The following GNG7 variants were observed in gnomAD, a reference collection of about 807,000 sequenced individuals.
GNG7 encodes the protein guanine nucleotide-binding protein G(I)/G(S)/G(O) subunit gamma-7.
Under a neutral mutation model 4.0 loss-of-function variants are expected in GNG7, and 1 was observed. The observed-to-expected ratio is 0.25, with a 90% CI of 0.09 to 1.18. GNG7 has a LOEUF of 1.18. GNG7 is among the 50% of genes most tolerant of loss of function. GNG7 has a pLI of 0.50. For synonymous variants in GNG7, 34 were observed against 36.9 expected, an observed-to-expected ratio of 0.92 and a Z score of 0.29; for missense variants, 86 against 91.9, an observed-to-expected ratio of 0.94 and a Z score of 0.26.
Position 2,514,205 on chromosome 19 carries a change from G to GA in GNG7, c.*816dup, listed in dbSNP as rs35162955. 3.7e-3 allele frequency: 530 copies of GA among 142,118 alleles called. 2 individuals carry two copies. Among genetic ancestry groups the GA allele is most frequent in the Non-Finnish European group, 6.0e-3 (390 of 65,324 alleles). 8.8% of individuals were successfully genotyped at this position (142,118 alleles called of 1,614,324 possible). On this transcript the variant is annotated 3_prime_UTR_variant, in exon 5 of 5. Transcript: ENST00000382159. Reference sequence around the variant, plus strand: ...AGAATGAAACTCCATCTCAAAAAAAGAAAAAAAAAAAAAATCCAAAAACAT... The same window carrying GA: ...AGAATGAAACTCCATCTCAAAAAAAGAAAAAAAAAAAAAAATCCAAAAACAT...
rs890179191 is a variant in GNG7, at chr19:2,578,337, C to A, written c.-77-23149G>T. ...CCAGAGGACCGAGGGCAGCCTAGTG[C>A]CAACTCCTGACTCGCCCTGTTCTCT... On this transcript the variant is annotated intron_variant, in intron 2 of 4. Coordinates refer to ENST00000382159, the MANE Select transcript of GNG7 (RefSeq NM_052847.3). 2.6e-5 allele frequency among the ~76,000 whole-genome samples: 4 copies of A among 152,110 alleles called. No homozygotes were observed. The South Asian group carries it at 8.3e-4, about 31-fold the overall frequency.
intron 1 of GNG7, among the ~76,000 whole-genome samples, chr19:2,696,350 A>AAAG (rs1913261462): frequency 7.0e-6 from 1 of 143,850 alleles, no homozygotes; most frequent in Admixed American, 6.9e-5. Context: ...AAGAAAGAAA[A>AAAG]GAAAGAAAAG....
intron 1 of GNG7, among the ~76,000 whole-genome samples, chr19:2,676,116 GC>G (rs1020826920): frequency 6.6e-6 from 1 of 152,220 alleles, no homozygotes; most frequent in Non-Finnish European, 1.5e-5. Context: ...GCCAAGAACC[GC>G]CGGCCACTTG....
At chr19:2,571,588 C>CTTTTTTTTTTTTTTTT (rs779497111) in intron 2 of GNG7, among the ~76,000 whole-genome samples, 1 of 68,022 alleles carries the variant, frequency 1.5e-5, no homozygotes, top group African/African-American at 6.5e-5. Flanking sequence ...CATTTCTTTC[C>CTTTTTTTTTTTTTTTT]TTTTTTTTTT....
intron 2 of GNG7, among the ~76,000 whole-genome samples, chr19:2,565,519 A>AAC (rs1555694203): frequency 3.4e-4 from 49 of 144,468 alleles, no homozygotes; most frequent in African/African-American, 1.2e-3. Flanking sequence ...CTCAAAAAAA[A>AAC]AAAAACAAAA....
At position 2,608,474 on chromosome 19, in the gene GNG7, G is replaced by C. The variant is rs374155054; in HGVS notation, c.-78+37750C>G. Among the ~76,000 whole-genome samples, 24 of 152,306 alleles carry C rather than the reference G, an allele frequency of 1.6e-4. No individual in the cohort carries two copies. The East Asian group carries it at 2.3e-3, about 15-fold the overall frequency. Reference sequence around the variant, plus strand: ...GTGCAGCTCCCCTGCACCCCCAAATGACGCAGGTCAGTAATCCAGGGACGG... The same window carrying C: ...GTGCAGCTCCCCTGCACCCCCAAATCACGCAGGTCAGTAATCCAGGGACGG... On this transcript the variant is annotated intron_variant, in intron 2 of 4. Transcript: ENST00000382159.
chr19:2,655,926 G>A (rs574321067), intron 1 of GNG7, among the ~76,000 whole-genome samples: 1 of 149,284 alleles, frequency 6.7e-6, no homozygotes, highest in African/African-American at 2.5e-5. Flanking sequence ...CTTGGAGACT[G>A]AGGCAGGAGA....
chr19:2,564,879 T>C (rs1204442797), intron 2 of GNG7, among the ~76,000 whole-genome samples: 1 of 79,196 alleles, frequency 1.3e-5, no homozygotes, highest in Non-Finnish European at 2.4e-5. Flanking sequence ...AATGAATACA[T>C]TGGTCATTTA....
chr19:2,648,417 G>T (rs1982724709), intron 1 of GNG7, among the ~76,000 whole-genome samples: 1 of 152,080 alleles, frequency 6.6e-6, no homozygotes, highest in Non-Finnish European at 1.5e-5. Flanking sequence ...AACCCCAAAT[G>T]CATGGTGACT....
intron 2 of GNG7, among the ~76,000 whole-genome samples, chr19:2,622,337 C>T (rs2144833820): frequency 6.6e-6 from 1 of 152,342 alleles, no homozygotes; most frequent in South Asian, 2.1e-4. Flanking sequence ...TGTCGGCCTC[C>T]CAAAGTGCTG....
At chr19:2,575,350 C>T (rs1032973497) in intron 2 of GNG7, among the ~76,000 whole-genome samples, 1 of 152,234 alleles carries the variant, frequency 6.6e-6, no homozygotes, top group African/African-American at 2.4e-5. Flanking sequence ...GCTGTGATTA[C>T]GGGTGTGAGC....
At chr19:2,657,343 AAAAAAAAAAAAAAAAAAAAT>A (rs1241901558) in intron 1 of GNG7, among the ~76,000 whole-genome samples, 643 of 12,966 alleles carry the variant, frequency 0.05, 38 homozygotes, top group Admixed American at 0.21. Flanking sequence ...CAATTAAAAA[AAAAAAAAAAAAAAAAAAAAT>A]ATATATATAT....
chr19:2,638,974 A>G (rs1982408794), intron 2 of GNG7, among the ~76,000 whole-genome samples: 1 of 152,172 alleles, frequency 6.6e-6, no homozygotes, highest in African/African-American at 2.4e-5. Context: ...GCGGTGGCTC[A>G]CACCTGTATC....
At chr19:2,585,708 A>ATT (rs112757861) in intron 2 of GNG7, among the ~76,000 whole-genome samples, 2 of 150,748 alleles carry the variant, frequency 1.3e-5, no homozygotes, top group Non-Finnish European at 3.0e-5. Flanking sequence ...AAATTCAGTA[A>ATT]TTTTTTTTTT....
At chr19:2,517,433 C>T (rs1472911280) in intron 4 of GNG7, among the ~76,000 whole-genome samples, 6 of 152,058 alleles carry the variant, frequency 3.9e-5, no homozygotes, top group Admixed American at 6.5e-5. Context: ...GGCGTGATCT[C>T]GGCTCACTGC....
At chr19:2,687,102 C>T (rs1983891929) in intron 1 of GNG7, among the ~76,000 whole-genome samples, 1 of 150,520 alleles carries the variant, frequency 6.6e-6, no homozygotes, top group Non-Finnish European at 1.5e-5. Flanking sequence ...CTGTCACCCA[C>T]ACTGGAGTGC....
chr19:2,677,469 A>G (rs1983623478), intron 1 of GNG7, among the ~76,000 whole-genome samples: 1 of 150,256 alleles, frequency 6.7e-6, no homozygotes, highest in African/African-American at 2.5e-5. Flanking sequence ...CCAGCCCTGA[A>G]TGCCAAGGGG....
chr19:2,629,811 C>A (rs532540314), intron 2 of GNG7, among the ~76,000 whole-genome samples: 13 of 152,282 alleles, frequency 8.5e-5, no homozygotes, highest in African/African-American at 3.1e-4. Flanking sequence ...TTCCTGCACA[C>A]CCATAAATAA....
At chr19:2,672,619 T>C (rs1356931049) in intron 1 of GNG7, among the ~76,000 whole-genome samples, 1 of 152,078 alleles carries the variant, frequency 6.6e-6, no homozygotes, top group Non-Finnish European at 1.5e-5. Flanking sequence ...CTAATTTTTG[T>C]ATTTTTAGTA....
Sources: allele counts gnomAD v4.1 joint callset (sites outside exome capture counted in the v4.1 genomes callset), GRCh38; gene constraint gnomAD v4.1.1; transcripts MANE v1.5; gene names NCBI Gene and HGNC (gene_info 2026-07-23, HGNC 2026-07-21).